Variants in MAN1A1 observed in about 807,000 individuals in gnomAD.
The protein encoded by MAN1A1 is mannosidase alpha class 1A member 1.
Under a neutral mutation model 70.8 loss-of-function variants are expected in MAN1A1, and 29 were observed. The ratio of observed to expected loss-of-function variants is 0.41; its 90% CI spans 0.31 to 0.56. The LOEUF (loss-of-function observed/expected upper bound fraction) is 0.56. Ranked by LOEUF, MAN1A1 falls within the 20% of genes least tolerant of loss-of-function variation. The probability of loss-of-function intolerance (pLI) is 0.29; values close to 1 mark genes in which losing one functional copy is unlikely to be tolerated. For missense variants in MAN1A1, 747 were observed against 841.3 expected (o/e 0.89, Z 1.39); for synonymous variants, 349 against 330.1 (o/e 1.06, Z -0.62).
chr6:119,203,039 T>A (rs1773758881), intron 7 of MAN1A1, among the ~76,000 whole-genome samples: 1 of 152,184 alleles, frequency 6.6e-6, no homozygotes, highest in South Asian at 2.1e-4. Flanking sequence ...AGACATCATG[T>A]GAACACACAC....
At chr6:119,211,112 C>G (rs751922872) in intron 6 of MAN1A1, among the ~76,000 whole-genome samples, 24 of 152,188 alleles carry the variant, frequency 1.6e-4, no homozygotes, top group Non-Finnish European at 1.3e-4. Flanking sequence ...AAAATTTCCC[C>G]TTACTTTGAT....
intron 5 of MAN1A1, among the ~76,000 whole-genome samples, chr6:119,250,648 C>CTGTGTGTGTGTGTGTG (rs71015031): frequency 6.7e-6 from 1 of 148,526 alleles, no homozygotes; most frequent in African/African-American, 2.5e-5. Context: ...TGTTCTCTCT[C>CTGTGTGTGTGTGTGTG]TGTGTGTGTG....
intron 6 of MAN1A1, among the ~76,000 whole-genome samples, chr6:119,208,393 AT>A (rs1391994179): frequency 6.6e-5 from 10 of 152,264 alleles, no homozygotes; most frequent in African/African-American, 2.4e-4. Context: ...AAAATAATAG[AT>A]TTTGGCAACT....
intron 8 of MAN1A1, among the ~76,000 whole-genome samples, chr6:119,199,658 A>G (rs6906482): frequency 0.85 from 129,409 of 151,718 alleles, 55,569 homozygotes; most frequent in South Asian, 0.89. Flanking sequence ...TGTAATCCCA[A>G]CACTTTGGGA....
Position 119,248,297 on chromosome 6 carries a change from G to T in MAN1A1, c.955C>A (p.Pro319Thr), listed in dbSNP as rs1255223082. The change falls in exon 6 of 13, where the codon CCC becomes ACC. Residue 319 changes from proline (P) to threonine (T), a missense_variant. This residue lies in a region of MAN1A1 where 419 missense variants were observed against 548.2 expected (regional missense o/e 0.76). Transcript: ENST00000368468. ...AGCAATGCCCAAGGTATTCCAGAGG[G>T]AGTATGAAATGCAGGTAGCAATTTT... ...GVKLLPAFHT[P>T]SGIPWALLNM... 6.8e-6 allele frequency: 11 copies of T among 1,613,350 alleles called. No individual in the cohort carries two copies. Among genetic ancestry groups the T allele is most frequent in the Non-Finnish European group, 8.5e-6 (10 of 1,179,386 alleles).
chr6:119,309,046 C>CA (rs1772629720), intron 2 of MAN1A1, among the ~76,000 whole-genome samples: 1 of 152,130 alleles, frequency 6.6e-6, no homozygotes, highest in South Asian at 2.1e-4. Context: ...ACATATTTCT[C>CA]AAAATGGGTT....
At chr6:119,291,586 T>G (rs1056658348) in intron 4 of MAN1A1, among the ~76,000 whole-genome samples, 4 of 151,944 alleles carry the variant, frequency 2.6e-5, no homozygotes, top group African/African-American at 9.7e-5. Flanking sequence ...TTTTTCTTCC[T>G]GAAAGGCTAT....
intron 4 of MAN1A1, among the ~76,000 whole-genome samples, chr6:119,291,240 C>T (rs1428437130): frequency 1.3e-5 from 2 of 151,982 alleles, no homozygotes; most frequent in Non-Finnish European, 2.9e-5. Context: ...TCTCTCTTTG[C>T]CTGTTGCCAT....
chr6:119,286,732 A>G (rs1776384163), intron 5 of MAN1A1, among the ~76,000 whole-genome samples: 1 of 152,118 alleles, frequency 6.6e-6, no homozygotes. Context: ...ACAAAGTTAA[A>G]ATGTACTGGC....
intron 6 of MAN1A1, among the ~76,000 whole-genome samples, chr6:119,229,691 C>T (rs1774622476): frequency 6.6e-6 from 1 of 152,168 alleles, no homozygotes; most frequent in African/African-American, 2.4e-5. Context: ...TGGTTTCCTA[C>T]AGTGCTAATC....
chr6:119,245,707 T>C (rs1775151456), intron 6 of MAN1A1, among the ~76,000 whole-genome samples: 1 of 152,170 alleles, frequency 6.6e-6, no homozygotes, highest in African/African-American at 2.4e-5. Context: ...AATTAAAAAT[T>C]CATGCATGTT....
At chr6:119,250,177 A>G (rs890783039) in intron 5 of MAN1A1, among the ~76,000 whole-genome samples, 2 of 152,212 alleles carry the variant, frequency 1.3e-5, no homozygotes, top group Admixed American at 1.3e-4. Flanking sequence ...GATTTATCCA[A>G]TCACTGCCCA....
intron 2 of MAN1A1, among the ~76,000 whole-genome samples, chr6:119,347,038 C>G (rs889968234): frequency 3.3e-5 from 5 of 152,152 alleles, no homozygotes; most frequent in Admixed American, 2.0e-4. Flanking sequence ...TCCATTCCCC[C>G]AAGTATGGGA....
At chr6:119,317,689 T>C (rs1772891727) in intron 2 of MAN1A1, among the ~76,000 whole-genome samples, 1 of 152,178 alleles carries the variant, frequency 6.6e-6, no homozygotes, top group Non-Finnish European at 1.5e-5. Flanking sequence ...GTTTTGGCAA[T>C]TATGAATAAA....
intron 5 of MAN1A1, among the ~76,000 whole-genome samples, chr6:119,288,000 A>T (rs894640215): frequency 1.3e-5 from 2 of 152,028 alleles, no homozygotes; most frequent in Non-Finnish European, 2.9e-5. Flanking sequence ...CTGAGCTACG[A>T]GGTTTCAAAT....
At chr6:119,314,004 G>A (rs1368541157) in intron 2 of MAN1A1, among the ~76,000 whole-genome samples, 4 of 151,480 alleles carry the variant, frequency 2.6e-5, no homozygotes, top group African/African-American at 9.7e-5. Context: ...GCCACAGTTA[G>A]CCCACAGCCC....
chr6:119,189,254 T>C (rs1456283227), intron 10 of MAN1A1, among the ~76,000 whole-genome samples: 2 of 152,230 alleles, frequency 1.3e-5, no homozygotes, highest in Admixed American at 6.5e-5. Context: ...AGGCCAGTTA[T>C]TTACACTTTG....
At chr6:119,256,566 C>T (rs1171290400) in intron 5 of MAN1A1, among the ~76,000 whole-genome samples, 1 of 152,020 alleles carries the variant, frequency 6.6e-6, no homozygotes, top group South Asian at 2.1e-4. Context: ...CCACTGTCCA[C>T]GTGAGCAGCA....
chr6:119,204,844 C>A lies in MAN1A1; in HGVS notation c.1031G>T (p.Ser344Ile). The A allele has an allele frequency of 6.2e-7, 1 of 1,613,960 alleles. No individual in the cohort carries two copies. Among genetic ancestry groups the A allele is most frequent in the South Asian group, 1.1e-5 (1 of 91,080 alleles). Reference sequence around the variant, plus strand: ...GGTTCCAAATTCTGCCAGAATACTGCTGCCTCCAGAGGCCCAGGGCCAGTT... The same window carrying A: ...GGTTCCAAATTCTGCCAGAATACTGATGCCTCCAGAGGCCCAGGGCCAGTT... ...GRNWPWASGGSSILAEFGTLH... is the reference protein window; with the variant it reads ...GRNWPWASGGISILAEFGTLH... Residue 344 changes from serine to isoleucine, a missense_variant, in exon 7 of 13, where the codon AGC (serine) becomes ATC (isoleucine). Transcript: ENST00000368468.
Sources: gnomAD v4.1 joint callset for allele counts (sites outside exome capture counted in the v4.1 genomes callset) on GRCh38, gnomAD v4.1.1 for gene constraint, gnomAD v4.1.1 regional missense constraint, MANE v1.5 for transcripts, NCBI Gene and HGNC (gene_info 2026-07-23, HGNC 2026-07-21) for gene names.